Variants in CAMTA1 observed in about 807,000 individuals in gnomAD.
The protein encoded by CAMTA1 is calmodulin binding transcription activator 1, also known as calmodulin-binding transcription activator 1.
In CAMTA1, 27 loss-of-function variants were observed where a neutral mutation model predicts 170.9. The observed-to-expected ratio is 0.16, with a 90% CI of 0.12 to 0.22. CAMTA1 has a LOEUF of 0.22. Among genes scored for constraint, CAMTA1 ranks in the 10% least tolerant of loss-of-function variants. CAMTA1 has a pLI of 1.00. For synonymous variants in CAMTA1, 833 were observed against 891.5 expected (o/e 0.93, Z 1.17); for missense variants, 1,619 against 2,217.2 (o/e 0.73, Z 5.42).
intron 5 of CAMTA1, among the ~76,000 whole-genome samples, chr1:7,415,373 A>G (rs1438100595): frequency 6.6e-6 from 1 of 151,636 alleles, no homozygotes; most frequent in East Asian, 1.9e-4. Context: ...AAATTCTCCC[A>G]TTATTATTGT....
At chr1:7,686,895 C>G (rs550611260) in intron 11 of CAMTA1, among the ~76,000 whole-genome samples, 2 of 152,150 alleles carry the variant, frequency 1.3e-5, no homozygotes, top group South Asian at 4.2e-4. Flanking sequence ...TTTGGGGCTT[C>G]AACCACCGGA....
intron 6 of CAMTA1, among the ~76,000 whole-genome samples, chr1:7,596,472 G>A (rs1158948522): frequency 6.6e-6 from 1 of 152,180 alleles, no homozygotes; most frequent in African/African-American, 2.4e-5. Flanking sequence ...GCTGGCCGCA[G>A]GTGCCCACTT....
chr1:7,753,573 G>T (rs375899641), intron 21 of CAMTA1, among the ~76,000 whole-genome samples: 1 of 152,086 alleles, frequency 6.6e-6, no homozygotes, highest in Admixed American at 6.5e-5. Flanking sequence ...TATGATTGCC[G>T]GCTTTGAAAA....
intron 6 of CAMTA1, among the ~76,000 whole-genome samples, chr1:7,538,235 A>G (rs1420486533): frequency 2.0e-5 from 3 of 152,224 alleles, no homozygotes; most frequent in Non-Finnish European, 4.4e-5. Context: ...CATTGAGTGC[A>G]AAGTTGAGAG....
At chr1:6,989,763 G>A (rs970602660) in intron 3 of CAMTA1, among the ~76,000 whole-genome samples, 8 of 152,146 alleles carry the variant, frequency 5.3e-5, no homozygotes, top group African/African-American at 1.9e-4. Context: ...GACTCTAGGA[G>A]GTCACATCCT....
intron 6 of CAMTA1, among the ~76,000 whole-genome samples, chr1:7,593,809 A>G (rs554303247): frequency 6.9e-6 from 1 of 145,936 alleles, no homozygotes; most frequent in Admixed American, 6.8e-5. Flanking sequence ...TAGGAGGCCA[A>G]GGCAGGTGGA....
chr1:7,084,872 T>A (rs768011977), intron 3 of CAMTA1, among the ~76,000 whole-genome samples: 68 of 152,216 alleles, frequency 4.5e-4, no homozygotes, highest in Non-Finnish European at 8.4e-4. Flanking sequence ...TGTGACTACT[T>A]TTTAAAAAAT....
At position 7,146,969 on chromosome 1, in the gene CAMTA1, GCA is replaced by G. The variant is rs1233504169; in HGVS notation, c.302+55607_302+55608del. Among the ~76,000 whole-genome samples, 2 of 151,564 alleles carry G rather than the reference GCA, an allele frequency of 1.3e-5. No individual in the cohort carries two copies. The highest frequency in any genetic ancestry group is 1.9e-4 in the East Asian group (1 of 5,140). On this transcript the variant is annotated intron_variant, in intron 4 of 22. Coordinates refer to ENST00000303635, the MANE Select transcript of CAMTA1 (RefSeq NM_015215.4). The surrounding 1 kb of genome is among the most constrained non-coding windows in gnomAD (Gnocchi z 4.3). ...CATCACACATTCAAACATATGCCGT[GCA>G]CACACACAGAAAGTTACAGCACGCA...
intron 6 of CAMTA1, among the ~76,000 whole-genome samples, chr1:7,497,160 A>G (rs2093842015): frequency 6.6e-6 from 1 of 152,194 alleles, no homozygotes; most frequent in South Asian, 2.1e-4. Context: ...GGCTTCTGTC[A>G]GACGGGAGAA....
chr1:7,147,113 A>C (rs1297767726), intron 4 of CAMTA1, among the ~76,000 whole-genome samples: 6 of 151,138 alleles, frequency 4.0e-5, no homozygotes, highest in Non-Finnish European at 8.9e-5. Flanking sequence ...CACACACACA[A>C]ACACACACTC....
chr1:6,981,480 C>T (rs752117455), intron 3 of CAMTA1, among the ~76,000 whole-genome samples: 30 of 151,990 alleles, frequency 2.0e-4, no homozygotes, highest in Non-Finnish European at 2.8e-4. Context: ...AAACCCAGGC[C>T]GGAGTGCAGT....
At chr1:6,885,612 A>T (rs79588565) in intron 3 of CAMTA1, among the ~76,000 whole-genome samples, 1,858 of 152,306 alleles carry the variant, frequency 0.012, 20 homozygotes, top group South Asian at 0.033. Context: ...CAGAGTCCAC[A>T]TGCATGCCAT....
chr1:7,250,389 G>A (rs974965848), intron 5 of CAMTA1, among the ~76,000 whole-genome samples: 1 of 152,198 alleles, frequency 6.6e-6, no homozygotes, highest in African/African-American at 2.4e-5. Flanking sequence ...ACTTCCCTGC[G>A]TTCCTAACTG....
chr1:7,564,952 G>T (rs2095020110), intron 6 of CAMTA1, among the ~76,000 whole-genome samples: 1 of 151,754 alleles, frequency 6.6e-6, no homozygotes, highest in Non-Finnish European at 1.5e-5. Flanking sequence ...AGAGAGAGAA[G>T]CAAAGGAAGC....
At chr1:7,261,344 C>G (rs1668137028) in intron 5 of CAMTA1, among the ~76,000 whole-genome samples, 1 of 152,098 alleles carries the variant, frequency 6.6e-6, no homozygotes. Context: ...CTGTTGAGGT[C>G]TATGTTTTGC....
intron 4 of CAMTA1, among the ~76,000 whole-genome samples, chr1:7,210,287 T>A (rs1658521184): frequency 6.6e-6 from 1 of 152,224 alleles, no homozygotes; most frequent in Admixed American, 6.5e-5. Flanking sequence ...ACCTTGCCAT[T>A]TTTGCAGCAT....
intron 3 of CAMTA1, among the ~76,000 whole-genome samples, chr1:6,957,158 C>T (rs1689601050): frequency 6.6e-6 from 1 of 152,190 alleles, no homozygotes; most frequent in African/African-American, 2.4e-5. Flanking sequence ...AGCATGTATG[C>T]CGCAGATCTA....
At position 7,664,923 on chromosome 1, in the gene CAMTA1, G is replaced by A. The variant is rs372968701; in HGVS notation, c.2376G>A (p.Gly792=). The A allele has an allele frequency of 1.2e-5, 20 of 1,612,978 alleles. No individual in the cohort carries two copies. Among genetic ancestry groups the A allele is most frequent in the Non-Finnish European group, 1.6e-5 (19 of 1,179,970 alleles). The change falls in exon 9 of 23, where the codon GGG becomes GGA. Residue 792 remains glycine, a synonymous_variant. Coordinates refer to ENST00000303635, the MANE Select transcript of CAMTA1 (RefSeq NM_015215.4). ...AGGGGGGCAGCAGCACCATCTATGG[G>A]CACCAGCTGGTGTCGGGGGACAGCA... The part of the protein sequence containing the change: ...SVEGGSSTIY[G]HQLVSGDSTA...
intron 3 of CAMTA1, among the ~76,000 whole-genome samples, chr1:6,996,235 C>T (rs1451174975): frequency 6.6e-6 from 1 of 152,186 alleles, no homozygotes; most frequent in Non-Finnish European, 1.5e-5. Flanking sequence ...TTGCATTTTT[C>T]TGCTCATATA....
Sources: allele counts gnomAD v4.1 joint callset (sites outside exome capture counted in the v4.1 genomes callset), GRCh38; gene constraint gnomAD v4.1.1; non-coding constraint Gnocchi (gnomAD v3.1); transcripts MANE v1.5; gene names NCBI Gene and HGNC (gene_info 2026-07-23, HGNC 2026-07-21).